Variants in ATR observed in about 807,000 individuals in gnomAD.
ATR encodes the protein serine/threonine-protein kinase ATR.
ATR carries 142 observed loss-of-function variants against 305.3 expected under a neutral mutation model. The ratio of observed to expected loss-of-function variants is 0.47; its 90% CI spans 0.41 to 0.53. ATR has a LOEUF of 0.53. Ranked by LOEUF, ATR falls within the 20% of genes least tolerant of loss-of-function variation. The pLI, the probability that ATR is intolerant of heterozygous loss-of-function variation, is 0.00. For missense variants in ATR, 2,135 were observed against 3,133.1 expected, an observed-to-expected ratio of 0.68 and a Z score of 7.60; for synonymous variants, 1,050 against 1,068.1, an observed-to-expected ratio of 0.98 and a Z score of 0.33.
rs2034794541 is a variant in ATR at position 142,559,289 on chromosome 3, T to G, written c.1694A>C (p.Lys565Thr). The G allele has an allele frequency of 1.2e-6, 2 of 1,613,866 alleles. No homozygotes were observed. Among genetic ancestry groups the G allele is most frequent in the Non-Finnish European group, 1.7e-6 (2 of 1,179,946 alleles). The stretch of plus-strand genomic sequence containing the variant: ...CAAAGCATCATAAATTTTCACCACC[T>G]TATCAATGGTTGCCTCCAGGTCCAG... Reference protein sequence around the residue: ...QKLDLEATIDKVVKIYDALIY... With the variant: ...QKLDLEATIDTVVKIYDALIY... The change falls in exon 7 of 47, where the codon AAG becomes ACG. Residue 565 changes from lysine to threonine, a missense_variant. Transcript: ENST00000350721.
At chr3:142,459,606 C>G (rs2108262620) in intron 42 of ATR, among the ~76,000 whole-genome samples, 2 of 152,240 alleles carry the variant, frequency 1.3e-5, no homozygotes, top group South Asian at 4.1e-4. Context: ...CCTTGAACAA[C>G]ATGAGTTTGA....
At chr3:142,555,054 G>A (rs2034614225) in intron 10 of ATR, among the ~76,000 whole-genome samples, 1 of 151,650 alleles carries the variant, frequency 6.6e-6, no homozygotes, top group Non-Finnish European at 1.5e-5. Context: ...TGACCAACAT[G>A]GTGAAACCCT....
At chr3:142,451,866 G>A (rs529847902) in intron 46 of ATR, 30 of 1,320,272 alleles carry the variant, frequency 2.3e-5, no homozygotes, top group East Asian at 4.6e-5. Flanking sequence ...GAAATGGAGC[G>A]AGCAGAAGTT....
chr3:142,528,711 C>A (rs1339571874), intron 21 of ATR, among the ~76,000 whole-genome samples: 3 of 150,766 alleles, frequency 2.0e-5, no homozygotes, highest in Non-Finnish European at 4.4e-5. Context: ...ACAATTCTGT[C>A]AGATTTTTTA....
chr3:142,491,608 G>A (rs987882029), intron 35 of ATR, among the ~76,000 whole-genome samples: 3 of 152,182 alleles, frequency 2.0e-5, no homozygotes, highest in African/African-American at 7.2e-5. Flanking sequence ...TATGGTTTCA[G>A]AACTTGCCTC....
intron 21 of ATR, among the ~76,000 whole-genome samples, chr3:142,526,535 A>G (rs1005529765): frequency 6.6e-6 from 1 of 151,880 alleles, no homozygotes; most frequent in Non-Finnish European, 1.5e-5. Flanking sequence ...TACATAGTAC[A>G]TATATAAACA....
chr3:142,483,031 G>C (rs2030640441), intron 36 of ATR, among the ~76,000 whole-genome samples: 1 of 144,286 alleles, frequency 6.9e-6, no homozygotes. Context: ...TTTGAGACAG[G>C]GTCTTGCTCT....
chr3:142,451,104 AG>A, intron 46 of ATR: 1 of 1,272,496 alleles, frequency 7.9e-7, no homozygotes, highest in South Asian at 1.4e-5. Context: ...ATTGTGAAAC[AG>A]CCCCTGCTGC....
At chr3:142,536,923 G>A (rs1233251040) in intron 19 of ATR, among the ~76,000 whole-genome samples, 1 of 152,070 alleles carries the variant, frequency 6.6e-6, no homozygotes, top group Non-Finnish European at 1.5e-5. Context: ...CCTTGTCAGG[G>A]CTATAATTTT....
intron 21 of ATR, among the ~76,000 whole-genome samples, chr3:142,528,814 TG>T (rs1270143412): frequency 6.9e-6 from 1 of 144,224 alleles, no homozygotes; most frequent in Non-Finnish European, 1.5e-5. Flanking sequence ...ATCATTTATT[TG>T]GGTAAGGATG....
chr3:142,557,471 A>G (rs1333920059), intron 8 of ATR, among the ~76,000 whole-genome samples: 2 of 152,200 alleles, frequency 1.3e-5, no homozygotes, highest in African/African-American at 4.8e-5. Context: ...TCTCATAAAG[A>G]TAGTGTTGAT....
intron 41 of ATR, among the ~76,000 whole-genome samples, chr3:142,464,528 A>G (rs541012435): frequency 3.3e-5 from 5 of 152,370 alleles, no homozygotes; most frequent in Admixed American, 3.3e-4. Flanking sequence ...GATGGAAAAC[A>G]ATAGACTATT....
rs2033929194 is a variant in ATR, at chr3:142,538,356, C to T, written c.3725+126G>A. On this transcript the variant is annotated intron_variant, in intron 19 of 46. Coordinates refer to ENST00000350721, the MANE Select transcript of ATR (RefSeq NM_001184.4). Reference sequence around the variant, plus strand: ...TCAATATGTAATTACATGCCAATTACTTTTGTTTATTGATAAACCCTGAAA... The same window carrying T: ...TCAATATGTAATTACATGCCAATTATTTTTGTTTATTGATAAACCCTGAAA... The T allele has an allele frequency of 3.9e-6, 4 of 1,033,022 alleles. No individual in the cohort carries two copies. In the East Asian group the frequency reaches 1.0e-4, roughly 27 times the overall value. 64.0% of individuals were successfully genotyped at this position (1,033,022 alleles called of 1,614,324 possible). A position where few individuals can be genotyped will look rare whatever the true frequency, so the allele number is the denominator to read the frequency against.
At chr3:142,451,125 A>C in intron 46 of ATR, 1 of 1,258,044 alleles carries the variant, frequency 7.9e-7, no homozygotes, top group Non-Finnish European at 1.0e-6. Flanking sequence ...CTCAGGTGTA[A>C]TTCCCTCCTA....
At chr3:142,506,951 A>G (rs2032277992) in intron 28 of ATR, among the ~76,000 whole-genome samples, 1 of 152,162 alleles carries the variant, frequency 6.6e-6, no homozygotes, top group Non-Finnish European at 1.5e-5. Flanking sequence ...CAGTTATAAC[A>G]CCCACTGTGT....
At chr3:142,568,806 G>C (rs114507689) in intron 1 of ATR, among the ~76,000 whole-genome samples, 2,733 of 152,378 alleles carry the variant, frequency 0.018, 29 homozygotes, top group South Asian at 0.041. Flanking sequence ...GGTGTTGTCA[G>C]GACCAGGCCG....
rs555561075 is a variant in ATR at position 142,498,673 on chromosome 3, C to T, written c.5482G>A (p.Ala1828Thr). The T allele has an allele frequency of 1.1e-5, 18 of 1,614,092 alleles. No individual in the cohort carries two copies. In the South Asian group the frequency reaches 1.9e-4, roughly 17 times the overall value. ...GCTGAAAGAGGTACAATTTGTTCTGCTCTCACTAGTTTCAGTGAGTCATAA... is the reference window on the plus strand; with the variant it reads ...GCTGAAAGAGGTACAATTTGTTCTGTTCTCACTAGTTTCAGTGAGTCATAA... ...AFYDSLKLVRAEQIVPLSAAS... is the reference protein window; with the variant it reads ...AFYDSLKLVRTEQIVPLSAAS... Residue 1828 changes from alanine to threonine, a missense_variant, in exon 32 of 47, where the codon GCA (alanine) becomes ACA (threonine). Physicochemically the swap from Ala to Thr is moderately conservative, Grantham distance 58 (BLOSUM62 0). Transcript: ENST00000350721.
rs72371423 is a variant in ATR, at chr3:142,496,525, AGG to A, written c.5739-7_5739-6del. 29,066 of 1,606,764 alleles carry A rather than the reference AGG, an allele frequency of 0.018. 369 individuals are homozygous for A. The highest frequency in any genetic ancestry group is 0.039 in the South Asian group (3,516 of 90,608). On this transcript the variant is annotated splice_polypyrimidine_tract_variant and splice_region_variant and intron_variant, in intron 33 of 46. Coordinates refer to ENST00000350721, the MANE Select transcript of ATR (RefSeq NM_001184.4). ...ACCATTTCATTGTAATCTGGTCTAA[AGG>A]AAGTAACAACACATTGGTGAGAGAG...
intron 16 of ATR, among the ~76,000 whole-genome samples, chr3:142,543,370 C>T (rs1221385891): frequency 2.6e-5 from 4 of 151,156 alleles, no homozygotes; most frequent in East Asian, 2.0e-4. Context: ...CTCCCTCCGT[C>T]CCTCTTTTCC....
Sources: allele counts gnomAD v4.1 joint callset (sites outside exome capture counted in the v4.1 genomes callset), GRCh38; gene constraint gnomAD v4.1.1; transcripts MANE v1.5; gene names NCBI Gene and HGNC (gene_info 2026-07-23, HGNC 2026-07-21).